CAMTA1: variants seen among roughly 807,000 people sequenced by gnomAD.
The protein encoded by CAMTA1 is calmodulin binding transcription activator 1, also known as calmodulin-binding transcription activator 1.
CAMTA1 carries 27 observed loss-of-function variants against 170.9 expected under a neutral mutation model. The observed-to-expected ratio is 0.16, with a 90% confidence interval of 0.12 to 0.22. CAMTA1 has a LOEUF of 0.22. Ranked by LOEUF, CAMTA1 falls within the 10% of genes least tolerant of loss-of-function variation. CAMTA1 has a pLI of 1.00. For synonymous variants in CAMTA1, 833 were observed against 891.5 expected, an observed-to-expected ratio of 0.93 and a Z score of 1.17; for missense variants, 1,619 against 2,217.2, an observed-to-expected ratio of 0.73 and a Z score of 5.42.
intron 6 of CAMTA1, among the ~76,000 whole-genome samples, chr1:7,558,487 C>T (rs2094911466): frequency 6.6e-6 from 1 of 152,060 alleles, no homozygotes; most frequent in South Asian, 2.1e-4. Context: ...GGGAGGAACT[C>T]GGCTCCCTTC....
At chr1:7,122,112 G>T (rs1343924227) in intron 4 of CAMTA1, among the ~76,000 whole-genome samples, 1 of 151,946 alleles carries the variant, frequency 6.6e-6, no homozygotes, top group Admixed American at 6.6e-5. Context: ...GTGTCCGAGG[G>T]GAAGCTGGTG....
intron 6 of CAMTA1, among the ~76,000 whole-genome samples, chr1:7,598,759 G>A (rs934422784): frequency 2.0e-5 from 3 of 152,124 alleles, no homozygotes; most frequent in Non-Finnish European, 2.9e-5. Flanking sequence ...GTCTGTTCAT[G>A]TCCTTTGCCC....
chr1:7,630,477 A>G (rs539903666), intron 6 of CAMTA1, among the ~76,000 whole-genome samples: 14 of 152,354 alleles, frequency 9.2e-5, no homozygotes, highest in African/African-American at 3.4e-4. Flanking sequence ...ACCCCGCACC[A>G]GGTGGAAATT....
Position 7,216,690 on chromosome 1 carries a change from T to C in CAMTA1, c.303-32801T>C, listed in dbSNP as rs972714526. ...CACGCCTGGCTAATTTTTGTGTTTTTAGTAGAGATAGGGTTTTGTCATGTT... is the reference window on the plus strand; with the variant it reads ...CACGCCTGGCTAATTTTTGTGTTTTCAGTAGAGATAGGGTTTTGTCATGTT... On this transcript the variant is annotated intron_variant, in intron 4 of 22. Coordinates refer to ENST00000303635, the MANE Select transcript of CAMTA1 (RefSeq NM_015215.4). The surrounding 1 kb of genome is among the most constrained non-coding windows in gnomAD (Gnocchi z 4.0). Among the ~76,000 whole-genome samples the C allele has an allele frequency of 6.6e-6, 1 of 152,122 alleles. No homozygotes were observed. Among genetic ancestry groups the C allele is most frequent in the African/African-American group, 2.4e-5 (1 of 41,414 alleles).
At chr1:7,638,536 G>C (rs1305184384) in intron 6 of CAMTA1, among the ~76,000 whole-genome samples, 1 of 152,094 alleles carries the variant, frequency 6.6e-6, no homozygotes, top group African/African-American at 2.4e-5. Context: ...CAGCTACTCA[G>C]GAGGCTGAGG....
At chr1:6,986,266 G>T (rs1248567320) in intron 3 of CAMTA1, among the ~76,000 whole-genome samples, 1 of 152,228 alleles carries the variant, frequency 6.6e-6, no homozygotes, top group Non-Finnish European at 1.5e-5. Flanking sequence ...AGGCAGCTCT[G>T]AGCATCAAAG....
intron 1 of CAMTA1, among the ~76,000 whole-genome samples, chr1:6,797,176 C>T (rs944115718): frequency 3.3e-5 from 5 of 151,646 alleles, no homozygotes; most frequent in Admixed American, 1.3e-4. Context: ...CCTAAGCAGT[C>T]CTCCTGCCTC....
chr1:7,447,508 T>G (rs143556922), intron 5 of CAMTA1, among the ~76,000 whole-genome samples: 1,773 of 152,148 alleles, frequency 0.012, 38 homozygotes, highest in African/African-American at 0.04. Flanking sequence ...CCACATGGGC[T>G]TCTTCTCAAA....
chr1:7,024,441 A>G (rs1270319578), intron 3 of CAMTA1, among the ~76,000 whole-genome samples: 2 of 152,230 alleles, frequency 1.3e-5, no homozygotes, highest in African/African-American at 4.8e-5. Flanking sequence ...AATGCAAGAT[A>G]GGGGCTGGCC....
At chr1:7,625,016 T>C (rs1157333169) in intron 6 of CAMTA1, among the ~76,000 whole-genome samples, 1 of 151,998 alleles carries the variant, frequency 6.6e-6, no homozygotes, top group East Asian at 1.9e-4. Flanking sequence ...GGCTGAATGG[T>C]CTGGTTGACT....
intron 6 of CAMTA1, among the ~76,000 whole-genome samples, chr1:7,470,289 G>A (rs900889243): frequency 2.6e-5 from 4 of 152,238 alleles, no homozygotes; most frequent in African/African-American, 7.2e-5. Flanking sequence ...CGCCCTGCTC[G>A]GAGCCCAGAG....
chr1:6,993,503 C>T (rs191344850), intron 3 of CAMTA1, among the ~76,000 whole-genome samples: 1 of 151,970 alleles, frequency 6.6e-6, no homozygotes, highest in East Asian at 1.9e-4. Flanking sequence ...AGGTCTATTT[C>T]TCTCTTTATT....
At chr1:6,871,966 T>G in intron 3 of CAMTA1, 1 of 1,247,804 alleles carries the variant, frequency 8.0e-7, no homozygotes, top group Non-Finnish European at 1.0e-6. Context: ...GTGATAAATT[T>G]GCAAAATGCT....
At chr1:7,105,621 A>C (rs1050947065) in intron 4 of CAMTA1, among the ~76,000 whole-genome samples, 1 of 152,212 alleles carries the variant, frequency 6.6e-6, no homozygotes, top group Admixed American at 6.5e-5. Flanking sequence ...AGGAATGATA[A>C]GGTGCATATG....
intron 11 of CAMTA1, among the ~76,000 whole-genome samples, chr1:7,720,698 CATGAGAA>C (rs2096643988): frequency 1.3e-5 from 2 of 152,188 alleles, no homozygotes; most frequent in African/African-American, 4.8e-5. Flanking sequence ...TGGTATTTTT[CATGAGAA>C]ACTCAGTGGC....
intron 5 of CAMTA1, among the ~76,000 whole-genome samples, chr1:7,464,446 A>G (rs768446288): frequency 7.2e-5 from 11 of 152,230 alleles, no homozygotes; most frequent in Non-Finnish European, 1.5e-4. Flanking sequence ...ACACGGCCTC[A>G]TGGAATATTG....
intron 3 of CAMTA1, among the ~76,000 whole-genome samples, chr1:7,057,691 G>C (rs1339762726): frequency 6.6e-6 from 1 of 152,214 alleles, no homozygotes; most frequent in Non-Finnish European, 1.5e-5. Context: ...CTTTCTTTGA[G>C]CCTCTTAGAC....
At position 6,989,251 on chromosome 1, in the gene CAMTA1, C is replaced by T. The variant is rs940699084; in HGVS notation, c.235-102053C>T. On this transcript the variant is annotated intron_variant, in intron 3 of 22. Transcript: ENST00000303635. ...TGGCATCCACAAGGAGTGCCACACT[C>T]GATAAGTATCCCAACCTGTTCCATA... 3.9e-5 allele frequency among the ~76,000 whole-genome samples: 6 copies of T among 152,238 alleles called. No homozygotes were observed. In the South Asian group the frequency reaches 8.3e-4, roughly 21 times the overall value.
intron 6 of CAMTA1, among the ~76,000 whole-genome samples, chr1:7,568,238 TCAA>T (rs2095068710): frequency 1.4e-5 from 2 of 144,934 alleles, no homozygotes; most frequent in African/African-American, 5.2e-5. Flanking sequence ...CCATCCATCA[TCAA>T]CATCACCGTC....
Sources: gnomAD v4.1 joint callset for allele counts (sites outside exome capture counted in the v4.1 genomes callset) on GRCh38, gnomAD v4.1.1 for gene constraint, Gnocchi (gnomAD v3.1) non-coding constraint, MANE v1.5 for transcripts, NCBI Gene and HGNC (gene_info 2026-07-23, HGNC 2026-07-21) for gene names.